ITSN2: variants seen among roughly 807,000 people sequenced by gnomAD.
ITSN2 encodes the protein intersectin-2.
A neutral mutation model predicts 243.7 loss-of-function variants in ITSN2; 156 were observed. The ratio of observed to expected loss-of-function variants is 0.64; its 90% CI spans 0.56 to 0.73. The LOEUF (loss-of-function observed/expected upper bound fraction) is 0.73, where lower values mean the gene tolerates loss of function less well. Ranked by LOEUF, ITSN2 falls within the 30% of genes least tolerant of loss-of-function variation. ITSN2 has a pLI of 0.00. For synonymous variants in ITSN2, 703 were observed against 699.9 expected, an observed-to-expected ratio of 1.00 and a Z score of -0.07; for missense variants, 1,801 against 1,996.1, an observed-to-expected ratio of 0.90 and a Z score of 1.86.
At chr2:24,338,180 C>T (rs878874832) in intron 1 of ITSN2, among the ~76,000 whole-genome samples, 1 of 152,210 alleles carries the variant, frequency 6.6e-6, no homozygotes, top group East Asian at 1.9e-4. Flanking sequence ...GCTTCATCTG[C>T]ATGATAAAAC....
At chr2:24,334,789 C>T (rs1381312337) in intron 1 of ITSN2, 31 of 1,423,406 alleles carry the variant, frequency 2.2e-5, no homozygotes, top group East Asian at 4.7e-5. Context: ...ATTGGCCGGG[C>T]GCGGTGGCTC....
intron 4 of ITSN2, among the ~76,000 whole-genome samples, chr2:24,312,719 T>C (rs540824203): frequency 6.6e-6 from 1 of 152,294 alleles, no homozygotes; most frequent in East Asian, 1.9e-4. Context: ...ATACTTGCTA[T>C]GTGCCTCGTA....
intron 13 of ITSN2, among the ~76,000 whole-genome samples, chr2:24,296,065 T>G (rs1270492688): frequency 6.6e-6 from 1 of 152,168 alleles, no homozygotes; most frequent in African/African-American, 2.4e-5. Context: ...ATTGAATTTT[T>G]TTCTGAATTC....
rs535645547 is a variant in ITSN2 at position 24,314,905 on chromosome 2, A to T, written c.124+227T>A. On this transcript the variant is annotated intron_variant, in intron 3 of 39. Coordinates refer to ENST00000355123, the MANE Select transcript of ITSN2 (RefSeq NM_006277.3). ...CCAGACAATTACACAGAAATTCTTG[A>T]CTATCATTTAGGATTCAGGAAAAAT... 8.5e-5 allele frequency among the ~76,000 whole-genome samples: 13 copies of T among 152,358 alleles called. No homozygotes were observed. The South Asian group carries it at 1.9e-3, about 22-fold the overall frequency.
At chr2:24,295,272 T>C (rs1680796893) in intron 14 of ITSN2, among the ~76,000 whole-genome samples, 2 of 152,284 alleles carry the variant, frequency 1.3e-5, no homozygotes, top group South Asian at 4.2e-4. Context: ...TCAAGGTTAT[T>C]GACCCCCAAA....
intron 1 of ITSN2, among the ~76,000 whole-genome samples, chr2:24,358,028 C>T (rs991671156): frequency 2.0e-5 from 3 of 152,200 alleles, no homozygotes; most frequent in Admixed American, 6.5e-5. Context: ...ATTCTCCTGC[C>T]TCAGCCTCCT....
At chr2:24,224,364 A>G (rs1338514637) in intron 29 of ITSN2, among the ~76,000 whole-genome samples, 2 of 152,232 alleles carry the variant, frequency 1.3e-5, no homozygotes, top group African/African-American at 4.8e-5. Context: ...ATATATAATC[A>G]TTCGAATGAA....
intron 1 of ITSN2, among the ~76,000 whole-genome samples, chr2:24,338,651 TTTCA>T (rs1686719419): frequency 6.6e-6 from 1 of 152,240 alleles, no homozygotes; most frequent in African/African-American, 2.4e-5. Flanking sequence ...TCATTCATTC[TTTCA>T]TTCTACCATT....
intron 24 of ITSN2, among the ~76,000 whole-genome samples, chr2:24,254,127 G>A (rs1163472174): frequency 6.6e-6 from 1 of 152,124 alleles, no homozygotes; most frequent in Non-Finnish European, 1.5e-5. Context: ...ACCAGTCTAT[G>A]CTGAATTTTC....
chr2:24,286,062 AC>A (rs1679460180), intron 16 of ITSN2, 149 bp downstream of exon 16: 1 of 571,364 alleles, frequency 1.8e-6, no homozygotes, highest in South Asian at 2.6e-5. Flanking sequence ...AACATTAAAA[AC>A]AATCTTGAAA....
chr2:24,305,487 A>G (rs1682400036), intron 8 of ITSN2, among the ~76,000 whole-genome samples: 1 of 150,844 alleles, frequency 6.6e-6, no homozygotes, highest in African/African-American at 2.4e-5. Flanking sequence ...GAGGCAGGAG[A>G]ATCGCTGGAA....
At chr2:24,253,815 T>C (rs1674668982) in intron 24 of ITSN2, among the ~76,000 whole-genome samples, 1 of 152,230 alleles carries the variant, frequency 6.6e-6, no homozygotes, top group Non-Finnish European at 1.5e-5. Flanking sequence ...AATGGACTTA[T>C]ACATTTCATT....
Position 24,317,897 on chromosome 2 carries a change from C to T in ITSN2, c.32-2673G>A, listed in dbSNP as rs565985426. ...GACTGACTATATTGGACCTTTGTTCCCTCTCTCAGGCTATCAGTGGTGCCT... is the reference window on the plus strand; with the variant it reads ...GACTGACTATATTGGACCTTTGTTCTCTCTCTCAGGCTATCAGTGGTGCCT... On this transcript the variant is annotated intron_variant, in intron 2 of 39. Transcript: ENST00000355123. Among the ~76,000 whole-genome samples, 15 of 152,240 alleles carry T rather than the reference C, an allele frequency of 9.9e-5. No homozygotes were observed. In the East Asian group the frequency reaches 2.9e-3, roughly 29 times the overall value.
intron 7 of ITSN2, chr2:24,308,965 C>A (rs944121684): frequency 3.6e-6 from 2 of 552,470 alleles, no homozygotes; most frequent in African/African-American, 1.9e-5. Context: ...GTCCAGTGAG[C>A]AGTGGCATTA....
intron 1 of ITSN2, among the ~76,000 whole-genome samples, chr2:24,345,242 C>T (rs1227156674): frequency 1.3e-5 from 2 of 152,030 alleles, no homozygotes; most frequent in Admixed American, 6.6e-5. Context: ...TCAGATTTCC[C>T]CCATTTCAGC....
chr2:24,293,829 G>T, intron 14 of ITSN2, 54 bp from the exon 15 acceptor site: 1 of 540,502 alleles, frequency 1.9e-6, no homozygotes, highest in Non-Finnish European at 3.3e-6. Context: ...TTGTCCAAGA[G>T]TTTTTTTTGA....
chr2:24,204,231 T>G lies in ITSN2; in HGVS notation c.4936+14A>C, dbSNP rs141639242. On this transcript the variant is annotated intron_variant, in intron 39 of 39. Coordinates refer to ENST00000355123, the MANE Select transcript of ITSN2 (RefSeq NM_006277.3). This position sits in a 1 kb window ranked among gnomAD's most constrained non-coding sequence, Gnocchi z 5.1. The stretch of plus-strand genomic sequence containing the variant: ...TGGGAAAGCCTTTAGATCCCCTGGC[T>G]GAGCGACACTTACCATCTGGTGAAA... The G allele has an allele frequency of 2.2e-4, 361 of 1,613,546 alleles. No individual in the cohort carries two copies. The African/African-American group carries it at 4.5e-3, about 20-fold the overall frequency.
At chr2:24,355,856 G>A (rs1057411099) in intron 1 of ITSN2, among the ~76,000 whole-genome samples, 1 of 152,060 alleles carries the variant, frequency 6.6e-6, no homozygotes, top group African/African-American at 2.4e-5. Flanking sequence ...CCTGAGGTCA[G>A]GAATTCCAGA....
At chr2:24,230,170 CCCAACCTGCTCCTCTATAATTTT>C (rs1323103488) in intron 29 of ITSN2, among the ~76,000 whole-genome samples, 1 of 152,206 alleles carries the variant, frequency 6.6e-6, no homozygotes, top group Admixed American at 6.5e-5. Flanking sequence ...CTAATCATCT[CCCAACCTGCTCCTCTATAATTTT>C]CCACCTCAGT....
Sources: gnomAD v4.1 joint callset for allele counts (sites outside exome capture counted in the v4.1 genomes callset) on GRCh38, gnomAD v4.1.1 for gene constraint, Gnocchi (gnomAD v3.1) non-coding constraint, MANE v1.5 for transcripts, NCBI Gene and HGNC (gene_info 2026-07-23, HGNC 2026-07-21) for gene names.